NPAS3: variants seen among roughly 807,000 people sequenced by gnomAD.
NPAS3 encodes the protein neuronal PAS domain-containing protein 3.
NPAS3 carries 14 observed loss-of-function variants against 73.1 expected under a neutral mutation model. The ratio of observed to expected loss-of-function variants is 0.19; its 90% CI spans 0.13 to 0.30. The LOEUF (loss-of-function observed/expected upper bound fraction) is 0.30, where lower values mean the gene tolerates loss of function less well. Ranked by LOEUF, NPAS3 falls within the 10% of genes least tolerant of loss-of-function variation. The pLI is 1.00. For synonymous variants in NPAS3, 620 were observed against 541.5 expected, an observed-to-expected ratio of 1.14 and a Z score of -2.01; for missense variants, 1,096 against 1,250.0, an observed-to-expected ratio of 0.88 and a Z score of 1.86.
intron 3 of NPAS3, among the ~76,000 whole-genome samples, chr14:33,231,486 G>C (rs954688253): frequency 9.9e-5 from 15 of 152,028 alleles, no homozygotes. Context: ...CTTGAGCCAG[G>C]TATGACTTTT....
Position 33,740,818 on chromosome 14 carries a change from A to G in NPAS3, c.852+5486A>G, listed in dbSNP as rs1177708527. Among the ~76,000 whole-genome samples, 4 of 152,176 alleles carry G rather than the reference A, an allele frequency of 2.6e-5. No homozygotes were observed. In the East Asian group the frequency reaches 5.8e-4, roughly 22 times the overall value. On this transcript the variant is annotated intron_variant, in intron 7 of 11. Coordinates refer to ENST00000356141, the Ensembl canonical transcript of NPAS3. Reference sequence around the variant, plus strand: ...GGTGATCACAATTTTTTGTTAAAATATCTTTCGATAATTTTTTTTTCTGAA... The same window carrying G: ...GGTGATCACAATTTTTTGTTAAAATGTCTTTCGATAATTTTTTTTTCTGAA...
At chr14:33,668,783 C>T (rs2059529454) in intron 5 of NPAS3, among the ~76,000 whole-genome samples, 2 of 152,186 alleles carry the variant, frequency 1.3e-5, no homozygotes, top group African/African-American at 2.4e-5. Flanking sequence ...CATGCCACTG[C>T]ACTCCAACCT....
chr14:33,527,998 G>A (rs1375821513), intron 4 of NPAS3, among the ~76,000 whole-genome samples: 1 of 151,994 alleles, frequency 6.6e-6, no homozygotes, highest in East Asian at 1.9e-4. Flanking sequence ...CCTAAAACCT[G>A]CCACACCTTT....
rs539187726 is a variant in NPAS3 at position 33,461,070 on chromosome 14, C to T, written c.468+93802C>T. ...TTATTGGGAATAAAACTGGTGCGGA[C>T]GATACTAATAATTAAGTACGTTCAA... On this transcript the variant is annotated intron_variant, in intron 4 of 11. Coordinates refer to ENST00000356141, the Ensembl canonical transcript of NPAS3. 1.2e-3 allele frequency among the ~76,000 whole-genome samples: 187 copies of T among 152,244 alleles called. 1 individual carries two copies. The highest frequency in any genetic ancestry group is 6.8e-3 in the Middle Eastern group (2 of 294).
At chr14:33,796,040 A>T (rs74044745) in intron 10 of NPAS3, among the ~76,000 whole-genome samples, 4,846 of 152,248 alleles carry the variant, frequency 0.032, 241 homozygotes, top group African/African-American at 0.11. Flanking sequence ...TAGCAGGGGA[A>T]ACTCCACCAA....
chr14:33,031,410 G>A (rs1595276743), intron 1 of NPAS3, among the ~76,000 whole-genome samples: 1 of 152,194 alleles, frequency 6.6e-6, no homozygotes, highest in Non-Finnish European at 1.5e-5. Context: ...CAGCTTAGAT[G>A]TCCAGACTCC....
At chr14:33,383,358 T>C (rs1422148802) in intron 4 of NPAS3, among the ~76,000 whole-genome samples, 1 of 152,144 alleles carries the variant, frequency 6.6e-6, no homozygotes, top group African/African-American at 2.4e-5. Context: ...TGGTTAATTG[T>C]CCCTTTTGTT....
chr14:33,506,563 A>C (rs945422489), intron 4 of NPAS3, among the ~76,000 whole-genome samples: 1 of 152,020 alleles, frequency 6.6e-6, no homozygotes, highest in Non-Finnish European at 1.5e-5. Flanking sequence ...ACAGTCTGAC[A>C]TTTTTCCATC....
chr14:33,485,740 A>G (rs903898748), intron 4 of NPAS3, among the ~76,000 whole-genome samples: 23 of 152,152 alleles, frequency 1.5e-4, no homozygotes, highest in African/African-American at 4.8e-4. Context: ...CCAAAAAACC[A>G]TTCATTTTTA....
chr14:33,455,449 C>A (rs892294346), intron 4 of NPAS3, among the ~76,000 whole-genome samples: 5 of 152,112 alleles, frequency 3.3e-5, no homozygotes, highest in Admixed American at 2.6e-4. Context: ...GAGAGTGGAA[C>A]GGGGCAGTTT....
At chr14:32,973,436 C>A (rs2037520595) in intron 1 of NPAS3, among the ~76,000 whole-genome samples, 2 of 151,820 alleles carry the variant, frequency 1.3e-5, no homozygotes, top group African/African-American at 4.8e-5. Context: ...AAACAGTGTT[C>A]CAAGTTTCAT....
chr14:33,008,353 A>G (rs1170828525), intron 1 of NPAS3, among the ~76,000 whole-genome samples: 2 of 152,234 alleles, frequency 1.3e-5, no homozygotes, highest in Non-Finnish European at 2.9e-5. Context: ...TGTTTATGCT[A>G]AACAAAAAAG....
intron 6 of NPAS3, among the ~76,000 whole-genome samples, chr14:33,683,866 G>T (rs1322361511): frequency 1.3e-5 from 2 of 152,190 alleles, no homozygotes; most frequent in African/African-American, 4.8e-5. Context: ...TGTGATAATG[G>T]TTGGCATTCA....
intron 2 of NPAS3, among the ~76,000 whole-genome samples, chr14:33,111,914 C>T (rs1462031159): frequency 1.3e-5 from 2 of 150,660 alleles, no homozygotes; most frequent in African/African-American, 4.9e-5. Context: ...TGAGAACATG[C>T]GGTGTTTGGT....
In NPAS3 at chr14:33,124,270, C is replaced by G. The variant is rs182591297; in HGVS notation, c.140+68276C>G. On this transcript the variant is annotated intron_variant, in intron 2 of 11. Transcript: ENST00000356141. The stretch of plus-strand genomic sequence containing the variant: ...TAGATGCTTGGAGTGAAAAGATTTT[C>G]TTCTGGTACATGGGATGAGAAAGGG... Among the ~76,000 whole-genome samples, 250 of 152,222 alleles carry G rather than the reference C, an allele frequency of 1.6e-3. 1 individual carries two copies. The highest frequency in any genetic ancestry group is 5.7e-3 in the African/African-American group (238 of 41,538).
chr14:33,422,459 G>A (rs777092757), intron 4 of NPAS3, among the ~76,000 whole-genome samples: 1 of 151,894 alleles, frequency 6.6e-6, no homozygotes, highest in Non-Finnish European at 1.5e-5. Context: ...GGTATAAAGG[G>A]AAATTATATT....
intron 4 of NPAS3, among the ~76,000 whole-genome samples, chr14:33,510,375 G>T (rs192166026): frequency 1.1e-4 from 16 of 152,114 alleles, no homozygotes; most frequent in African/African-American, 3.9e-4. Flanking sequence ...ATGATTCAGA[G>T]GTTGTCTGGA....
At chr14:33,302,176 G>A (rs1185627143) in intron 3 of NPAS3, among the ~76,000 whole-genome samples, 1 of 152,090 alleles carries the variant, frequency 6.6e-6, no homozygotes, top group Non-Finnish European at 1.5e-5. Context: ...TGGGAGGGAG[G>A]ATTTGCATAC....
At chr14:33,212,214 C>T (rs2047065838) in intron 2 of NPAS3, among the ~76,000 whole-genome samples, 1 of 152,158 alleles carries the variant, frequency 6.6e-6, no homozygotes, top group African/African-American at 2.4e-5. Context: ...TCTCAACAAC[C>T]TTTATAATCC....
Sources: gnomAD v4.1 joint callset for allele counts (sites outside exome capture counted in the v4.1 genomes callset) on GRCh38, gnomAD v4.1.1 for gene constraint, MANE v1.5 for transcripts, NCBI Gene and HGNC (gene_info 2026-07-23, HGNC 2026-07-21) for gene names.